Variants in QPCTL observed in about 807,000 individuals in gnomAD.
The protein encoded by QPCTL is glutaminyl-peptide cyclotransferase like, also known as glutaminyl-peptide cyclotransferase-like protein.
Under a neutral mutation model 34.6 loss-of-function variants are expected in QPCTL, and 31 were observed. The ratio of observed to expected loss-of-function variants is 0.90; its 90% CI spans 0.67 to 1.21. The LOEUF (loss-of-function observed/expected upper bound fraction) is 1.21, where lower values mean the gene tolerates loss of function less well. Ranked by LOEUF, QPCTL falls within the 50% of genes most tolerant of loss-of-function variation. The pLI, the probability that QPCTL is intolerant of heterozygous loss-of-function variation, is 0.00. For missense variants in QPCTL, 474 were observed against 507.8 expected (o/e 0.93, Z 0.64); for synonymous variants, 223 against 226.9 (o/e 0.98, Z 0.15).
chr19:45,702,938 C>T lies in QPCTL; in HGVS notation c.1038C>T (p.Phe346=), dbSNP rs1000395257. ...VPVLHLISTP[F]PAVWHTPADT... ...TGCTCCATCTCATCTCCACGCCCTTCCCTGCTGTCTGGCACACCCCTGCGG... is the reference window on the plus strand; with the variant it reads ...TGCTCCATCTCATCTCCACGCCCTTTCCTGCTGTCTGGCACACCCCTGCGG... The change falls in exon 7 of 7, where the codon TTC becomes TTT. Residue 346 remains phenylalanine, a synonymous_variant. Transcript: ENST00000012049. 2 of 1,614,004 alleles carry T rather than the reference C, an allele frequency of 1.2e-6. No individual in the cohort carries two copies. The highest frequency in any genetic ancestry group is 1.7e-5 in the Admixed American group (1 of 59,970).
intron 3 of QPCTL, among the ~76,000 whole-genome samples, chr19:45,696,103 C>T (rs2146126370): frequency 6.6e-6 from 1 of 152,150 alleles, no homozygotes; most frequent in South Asian, 2.1e-4. Context: ...CCCAGGGCTC[C>T]CGCCTCATTC....
chr19:45,700,443 CTAAA>C (rs964199441), intron 5 of QPCTL, among the ~76,000 whole-genome samples: 13 of 151,426 alleles, frequency 8.6e-5, no homozygotes, highest in East Asian at 1.9e-4. Context: ...GACTCTGTCA[CTAAA>C]TAAATAAATA....
intron 6 of QPCTL, 94 bp from the exon 7 acceptor site, chr19:45,702,809 GT>G (rs1306621952): frequency 1.4e-6 from 2 of 1,425,540 alleles, no homozygotes; most frequent in Non-Finnish European, 2.0e-6. Flanking sequence ...TCACCAGTGT[GT>G]GGTGGCAAGG....
chr19:45,696,589 C>CAA (rs746994607), intron 3 of QPCTL, among the ~76,000 whole-genome samples: 1 of 125,176 alleles, frequency 8.0e-6, no homozygotes, highest in African/African-American at 3.0e-5. Context: ...GACTCCATCT[C>CAA]AAAAAAAAAA....
chr19:45,697,723 C>T (rs1391450740), intron 3 of QPCTL, among the ~76,000 whole-genome samples: 1 of 152,166 alleles, frequency 6.6e-6, no homozygotes, highest in Non-Finnish European at 1.5e-5. Flanking sequence ...ACCCAACGCC[C>T]TCTCCAGGCC....
At chr19:45,697,638 G>A (rs1967726066) in intron 3 of QPCTL, among the ~76,000 whole-genome samples, 1 of 151,890 alleles carries the variant, frequency 6.6e-6, no homozygotes, top group African/African-American at 2.4e-5. Context: ...CCTTGGCTGG[G>A]AATACTCTTC....
At chr19:45,694,659 C>T (rs529818933) in intron 2 of QPCTL, among the ~76,000 whole-genome samples, 37 of 151,662 alleles carry the variant, frequency 2.4e-4, no homozygotes, top group African/African-American at 7.5e-4. Flanking sequence ...TTTAGTGAGA[C>T]GGGGTTTCAC....
Position 45,701,911 on chromosome 19 carries a change from A to G in QPCTL, c.1000A>G (p.Arg334Gly). Residue 334 changes from arginine (R) to glycine (G), a missense_variant, in exon 6 of 7, where the codon AGA becomes GGA. Transcript: ENST00000012049. ...AGACGACCACATCCCCTTCCTCCGC[A>G]GAGGTACCAGCTGCAGGGAGGGATG... ...VEDDHIPFLR[R>G]GVPVLHLIST... The G allele has an allele frequency of 6.2e-7, 1 of 1,608,534 alleles. No individual in the cohort carries two copies. The highest frequency in any genetic ancestry group is 8.5e-7 in the Non-Finnish European group (1 of 1,175,302).
chr19:45,693,419 T>A lies in QPCTL; in HGVS notation c.214T>A (p.Leu72Met), dbSNP rs776012447. 1.2e-6 allele frequency: 2 copies of A among 1,610,686 alleles called. No individual in the cohort carries two copies. The highest frequency in any genetic ancestry group is 2.2e-5 in the South Asian group (2 of 90,568). ...ATCCCACCTCCTTCCCAAGGTCCCATTGATCGGAAGCCTCCCCGAAGCCCG... is the reference window on the plus strand; with the variant it reads ...ATCCCACCTCCTTCCCAAGGTCCCAATGATCGGAAGCCTCCCCGAAGCCCG... ...LPLGRELRVPLIGSLPEARLR... is the reference protein window; with the variant it reads ...LPLGRELRVPMIGSLPEARLR... Residue 72 changes from leucine to methionine, a missense_variant, in exon 2 of 7, where the codon TTG (leucine) becomes ATG (methionine). By Grantham distance (15) the Leu-to-Met change is conservative (BLOSUM62 2). Transcript: ENST00000012049.
At chr19:45,699,678 C>A (rs1229585180) in intron 5 of QPCTL, among the ~76,000 whole-genome samples, 1 of 151,914 alleles carries the variant, frequency 6.6e-6, no homozygotes, top group Non-Finnish European at 1.5e-5. Context: ...CACCTGTAAT[C>A]CCAGCACTTT....
intron 2 of QPCTL, among the ~76,000 whole-genome samples, chr19:45,694,182 C>A (rs1180447064): frequency 6.6e-6 from 1 of 152,232 alleles, no homozygotes; most frequent in African/African-American, 2.4e-5. Flanking sequence ...GAGTTTGAGA[C>A]CAGCCTGGCC....
At position 45,692,851 on chromosome 19, in the gene QPCTL, A is replaced by G. The variant is rs1453041780; in HGVS notation, c.148A>G (p.Thr50Ala). ...GCTGGCCGTGGGCTCGGCGTTCTACACCATTTGGAGCGGCTGGCACCGCAG... is the reference window on the plus strand; with the variant it reads ...GCTGGCCGTGGGCTCGGCGTTCTACGCCATTTGGAGCGGCTGGCACCGCAG... ...LALAVGSAFY[T>A]IWSGWHRRTE... Residue 50 changes from threonine (T) to alanine (A), a missense_variant, in exon 1 of 7, where the codon ACC (threonine) becomes GCC (alanine). Physicochemically the swap from Thr to Ala is moderately conservative, Grantham distance 58. Transcript: ENST00000012049. 15 of 1,559,774 alleles carry G rather than the reference A, an allele frequency of 9.6e-6. No individual in the cohort carries two copies. The highest frequency in any genetic ancestry group is 9.5e-5 in the African/African-American group (7 of 73,722).
At chr19:45,694,883 C>A (rs1337315561) in intron 2 of QPCTL, among the ~76,000 whole-genome samples, 1 of 152,152 alleles carries the variant, frequency 6.6e-6, no homozygotes, top group African/African-American at 2.4e-5. Context: ...ACAGTGAGAG[C>A]TATTTAAGGG....
At chr19:45,700,173 G>A (rs557850423) in intron 5 of QPCTL, among the ~76,000 whole-genome samples, 31 of 151,912 alleles carry the variant, frequency 2.0e-4, no homozygotes, top group African/African-American at 4.3e-4. Flanking sequence ...TTGGCTGGGC[G>A]CAATGGTTCA....
chr19:45,701,877 C>T lies in QPCTL; in HGVS notation c.966C>T (p.Gly322=). 2 of 1,613,946 alleles carry T rather than the reference C, an allele frequency of 1.2e-6. No individual in the cohort carries two copies. Among genetic ancestry groups the T allele is most frequent in the East Asian group, 2.2e-5 (1 of 44,876 alleles). ...VMYFQPGEPF[G]SVEDDHIPFL... is the part of the protein sequence containing the mutation. ...ACTTCCAACCCGGGGAGCCCTTTGG[C>T]TCTGTGGAAGACGACCACATCCCCT... Residue 322 remains glycine, a synonymous_variant, in exon 6 of 7, where the codon GGC becomes GGT. Coordinates refer to ENST00000012049, the MANE Select transcript of QPCTL (RefSeq NM_017659.4).
At position 45,698,642 on chromosome 19, in the gene QPCTL, G is replaced by A; in HGVS notation, c.729G>A (p.Leu243=). 6.2e-7 allele frequency: 1 copy of A among 1,614,144 alleles called. No individual in the cohort carries two copies. Among genetic ancestry groups the A allele is most frequent in the Non-Finnish European group, 8.5e-7 (1 of 1,180,016 alleles). Residue 243 remains leucine, a synonymous_variant, in exon 4 of 7, where the codon CTG becomes CTA. Coordinates refer to ENST00000012049, the MANE Select transcript of QPCTL (RefSeq NM_017659.4). ...ACTCCCTTTACGGTTCCCGGCACCT[G>A]GCCCAGCTCATGGAGTCTATACCTC... The part of the protein sequence containing the change: ...PKDSLYGSRH[L]AQLMESIPHS...
chr19:45,695,772 C>T, intron 3 of QPCTL, 54 bp downstream of exon 3: 6 of 1,499,636 alleles, frequency 4.0e-6, no homozygotes, highest in Non-Finnish European at 5.3e-6. Context: ...TTTCCCAAGC[C>T]CCCACCCTCC....
At chr19:45,693,080 A>G (rs1312731924) in intron 1 of QPCTL, among the ~76,000 whole-genome samples, 170 bp downstream of exon 1, 1 of 152,212 alleles carries the variant, frequency 6.6e-6, no homozygotes, top group African/African-American at 2.4e-5. Flanking sequence ...GTTCTGCAAC[A>G]GTAGCTTCCT....
At chr19:45,694,513 T>C (rs1204944535) in intron 2 of QPCTL, among the ~76,000 whole-genome samples, 2 of 151,792 alleles carry the variant, frequency 1.3e-5, no homozygotes, top group Non-Finnish European at 2.9e-5. Flanking sequence ...CACTGTCGCC[T>C]GGGTTGGAGT....
Sources: gnomAD v4.1 joint callset for allele counts (sites outside exome capture counted in the v4.1 genomes callset) on GRCh38, gnomAD v4.1.1 for gene constraint, MANE v1.5 for transcripts, NCBI Gene and HGNC (gene_info 2026-07-23, HGNC 2026-07-21) for gene names.